The following TRAPPC9 variants were observed in gnomAD, a reference collection of about 807,000 sequenced individuals.
TRAPPC9 encodes the protein trafficking protein particle complex subunit 9.
A neutral mutation model predicts 124.0 loss-of-function variants in TRAPPC9; 83 were observed. The ratio of observed to expected loss-of-function variants is 0.67; its 90% CI spans 0.56 to 0.80. The LOEUF (loss-of-function observed/expected upper bound fraction) is 0.80, where lower values mean the gene tolerates loss of function less well. TRAPPC9 is among the 30% of genes least tolerant of loss of function. The pLI, the probability that TRAPPC9 is intolerant of heterozygous loss-of-function variation, is 0.00. For synonymous variants in TRAPPC9, 638 were observed against 617.5 expected (o/e 1.03, Z -0.49); for missense variants, 1,302 against 1,508.3 (o/e 0.86, Z 2.27).
chr8:140,155,641 A>C (rs2130852387), intron 17 of TRAPPC9, among the ~76,000 whole-genome samples: 1 of 152,306 alleles, frequency 6.6e-6, no homozygotes, highest in South Asian at 2.1e-4. Context: ...CGTTTGTTTT[A>C]ATACGTAACC....
At chr8:140,141,754 T>C (rs561129987) in intron 17 of TRAPPC9, among the ~76,000 whole-genome samples, 7 of 152,322 alleles carry the variant, frequency 4.6e-5, no homozygotes, top group African/African-American at 1.7e-4. Flanking sequence ...TAGTCCATAT[T>C]CAAAATCAAA....
intron 17 of TRAPPC9, among the ~76,000 whole-genome samples, chr8:140,050,949 C>T (rs1458966766): frequency 2.6e-5 from 4 of 152,302 alleles, no homozygotes; most frequent in Admixed American, 6.5e-5. Flanking sequence ...TTGTCTTCCA[C>T]GCTGAAGGAA....
At chr8:139,947,250 C>T (rs556181610) in intron 19 of TRAPPC9, among the ~76,000 whole-genome samples, 7 of 152,136 alleles carry the variant, frequency 4.6e-5, no homozygotes, top group Non-Finnish European at 1.0e-4. Flanking sequence ...ACTTCAGATG[C>T]GAGTGAGGGA....
chr8:139,778,940 A>G (rs1563806815), intron 21 of TRAPPC9, among the ~76,000 whole-genome samples: 1 of 152,188 alleles, frequency 6.6e-6, no homozygotes, highest in Non-Finnish European at 1.5e-5. Flanking sequence ...TCCAAAGCAC[A>G]AGACACATAA....
intron 19 of TRAPPC9, among the ~76,000 whole-genome samples, chr8:139,982,298 A>G (rs1363680495): frequency 6.6e-6 from 1 of 152,176 alleles, no homozygotes; most frequent in Non-Finnish European, 1.5e-5. Context: ...CTCCCACAGA[A>G]AGGCGGGCGG....
At chr8:140,387,262 A>G (rs942872572) in intron 7 of TRAPPC9, among the ~76,000 whole-genome samples, 1 of 152,250 alleles carries the variant, frequency 6.6e-6, no homozygotes, top group Admixed American at 6.5e-5. Context: ...AGTTAAAACC[A>G]TAAAAACCCT....
At chr8:140,214,605 AG>A (rs1563852102) in intron 17 of TRAPPC9, among the ~76,000 whole-genome samples, 1 of 152,234 alleles carries the variant, frequency 6.6e-6, no homozygotes, top group Admixed American at 6.5e-5. Context: ...AATCCTATGA[AG>A]GAAGCATTGT....
chr8:140,375,575 A>G (rs2068413090), intron 7 of TRAPPC9, among the ~76,000 whole-genome samples: 1 of 152,234 alleles, frequency 6.6e-6, no homozygotes, highest in African/African-American at 2.4e-5. Context: ...CCACATCTGC[A>G]TATCCCTAAG....
At chr8:139,892,631 A>G (rs773564883) in intron 20 of TRAPPC9, among the ~76,000 whole-genome samples, 42 of 152,224 alleles carry the variant, frequency 2.8e-4, no homozygotes, top group Non-Finnish European at 5.9e-4. Flanking sequence ...GAAACTGTAC[A>G]GTGTATTCCA....
intron 21 of TRAPPC9, among the ~76,000 whole-genome samples, chr8:139,780,740 C>T (rs201598265): frequency 6.6e-6 from 1 of 151,732 alleles, no homozygotes; most frequent in Non-Finnish European, 1.5e-5. Flanking sequence ...AATGAGAAGA[C>T]AAGCCGTAGC....
intron 4 of TRAPPC9, among the ~76,000 whole-genome samples, chr8:140,426,932 T>C (rs1453405766): frequency 6.6e-6 from 1 of 151,950 alleles, no homozygotes; most frequent in East Asian, 1.9e-4. Flanking sequence ...TCTTTTTTTT[T>C]TTTTCTTTTC....
intron 17 of TRAPPC9, among the ~76,000 whole-genome samples, chr8:140,072,195 A>T (rs1843198052): frequency 6.6e-6 from 1 of 152,172 alleles, no homozygotes; most frequent in Non-Finnish European, 1.5e-5. Flanking sequence ...ACGAGAGTGA[A>T]CTTCAGTGCA....
At position 140,081,873 on chromosome 8, in the gene TRAPPC9, G is replaced by A. The variant is rs139890707; in HGVS notation, c.2557-57794C>T. ...TATCTCTGTCCTCAGCATTGCGCCC[G>A]AGGCCCGGCCTACAGGAGGAACTCC... On this transcript the variant is annotated intron_variant, in intron 17 of 22. Transcript: ENST00000438773. 2.8e-4 allele frequency: 42 copies of A among 152,366 alleles called. No homozygotes were observed. In the East Asian group the frequency reaches 7.7e-3, roughly 28 times the overall value. The allele number at this position is 152,366 out of a possible 1,614,324, so 9.4% of individuals were successfully genotyped here.
intron 8 of TRAPPC9, among the ~76,000 whole-genome samples, chr8:140,367,778 A>T (rs1442256983): frequency 6.6e-6 from 1 of 152,200 alleles, no homozygotes; most frequent in East Asian, 1.9e-4. Flanking sequence ...CAACAAATGT[A>T]CCACCCTGGT....
intron 6 of TRAPPC9, among the ~76,000 whole-genome samples, chr8:140,404,740 G>A (rs28399340): frequency 0.25 from 37,581 of 151,690 alleles, 5,059 homozygotes; most frequent in Middle Eastern, 0.4. Flanking sequence ...ATGTGTGCAC[G>A]CGTGAGCATG....
At chr8:140,294,261 G>C (rs916318914) in intron 11 of TRAPPC9, among the ~76,000 whole-genome samples, 4 of 151,930 alleles carry the variant, frequency 2.6e-5, no homozygotes, top group African/African-American at 7.3e-5. Context: ...CAATGGGAGG[G>C]AGCTCACCCG....
intron 9 of TRAPPC9, among the ~76,000 whole-genome samples, chr8:140,329,074 C>T (rs2066824223): frequency 6.6e-6 from 1 of 152,040 alleles, no homozygotes; most frequent in African/African-American, 2.4e-5. Context: ...CAAGCGGACC[C>T]CTGAGCACCA....
chr8:139,921,800 G>C (rs1285829529), intron 19 of TRAPPC9, among the ~76,000 whole-genome samples: 2 of 152,064 alleles, frequency 1.3e-5, no homozygotes, highest in African/African-American at 2.4e-5. Flanking sequence ...GCTGCATTCA[G>C]GTGCACACCT....
chr8:140,396,108 T>A (rs919706347), intron 7 of TRAPPC9, among the ~76,000 whole-genome samples: 8 of 149,184 alleles, frequency 5.4e-5, no homozygotes, highest in African/African-American at 2.0e-4. Context: ...ACAAATCTGG[T>A]CACATCAGTC....
Sources: allele counts gnomAD v4.1 joint callset (sites outside exome capture counted in the v4.1 genomes callset), GRCh38; gene constraint gnomAD v4.1.1; transcripts MANE v1.5; gene names NCBI Gene and HGNC (gene_info 2026-07-23, HGNC 2026-07-21).